SDK1: variants seen among roughly 807,000 people sequenced by gnomAD.
SDK1 encodes the protein sidekick cell adhesion molecule 1, also known as protein sidekick-1.
In SDK1, 157 loss-of-function variants were observed where a neutral mutation model predicts 245.5. That is an observed-to-expected ratio of 0.64 (90% CI 0.56 to 0.73). SDK1 has a LOEUF of 0.73. SDK1 is among the 30% of genes least tolerant of loss of function. SDK1 has a pLI of 0.00. For synonymous variants in SDK1, 1,647 were observed against 1,278.5 expected (o/e 1.29, Z -6.15); for missense variants, 3,583 against 3,002.3 (o/e 1.19, Z -4.52).
chr7:3,925,241 G>A (rs1007883019), intron 5 of SDK1, among the ~76,000 whole-genome samples: 1 of 152,044 alleles, frequency 6.6e-6, no homozygotes, highest in Non-Finnish European at 1.5e-5. Flanking sequence ...GAAACACAGA[G>A]CACATCTTCC....
At chr7:3,798,851 G>A (rs73032391) in intron 4 of SDK1, among the ~76,000 whole-genome samples, 18,473 of 152,178 alleles carry the variant, frequency 0.12, 1,306 homozygotes, top group Middle Eastern at 0.3. Context: ...TAAATTTTGC[G>A]TAGATACTTG....
chr7:3,794,280 C>T (rs1462145981), intron 4 of SDK1, among the ~76,000 whole-genome samples: 1 of 152,154 alleles, frequency 6.6e-6, no homozygotes, highest in Non-Finnish European at 1.5e-5. Flanking sequence ...GACACAGACA[C>T]TGACCTGAAC....
chr7:4,070,521 G>A (rs1196611177), intron 20 of SDK1, among the ~76,000 whole-genome samples: 2 of 152,106 alleles, frequency 1.3e-5, no homozygotes, highest in Admixed American at 6.5e-5. Context: ...GGGGCACAGT[G>A]GGAGACTGTG....
At chr7:3,719,256 T>C (rs990739577) in intron 4 of SDK1, among the ~76,000 whole-genome samples, 9 of 151,804 alleles carry the variant, frequency 5.9e-5, no homozygotes, top group Admixed American at 1.3e-4. Flanking sequence ...TTTTTTTTTT[T>C]TTTTTTAAAT....
intron 1 of SDK1, among the ~76,000 whole-genome samples, chr7:3,512,186 G>T (rs558451074): frequency 6.6e-6 from 1 of 152,078 alleles, no homozygotes; most frequent in South Asian, 2.1e-4. Context: ...GCCTTTTGCA[G>T]AATGTCGTAT....
At position 4,237,712 on chromosome 7, in the gene SDK1, A is replaced by C. The variant is rs760968063; in HGVS notation, c.6058A>C (p.Ile2020Leu). Residue 2020 changes from isoleucine to leucine, a missense_variant, in exon 42 of 45, where the codon ATC becomes CTC. Physicochemically the swap from Ile to Leu is conservative, Grantham distance 5. Coordinates refer to ENST00000404826, the MANE Select transcript of SDK1 (RefSeq NM_152744.4). ...CCTGGTGATGGCTCTGTCCAGCCTG[A>C]TCGTCATCCTGCTGGTGGTGTTCGC... ...FLLVMALSSL[I>L]VILLVVFALV... 1.2e-5 allele frequency: 20 copies of C among 1,613,986 alleles called. No individual in the cohort carries two copies. The East Asian group carries it at 4.0e-4, about 32-fold the overall frequency.
At chr7:3,905,784 G>A (rs962956253) in intron 5 of SDK1, among the ~76,000 whole-genome samples, 1 of 151,464 alleles carries the variant, frequency 6.6e-6, no homozygotes, top group African/African-American at 2.4e-5. Context: ...CACTATCCCT[G>A]GCTAATTAAA....
chr7:3,462,553 A>AATG, intron 1 of SDK1, among the ~76,000 whole-genome samples: 1 of 152,152 alleles, frequency 6.6e-6, no homozygotes, highest in Non-Finnish European at 1.5e-5. Flanking sequence ...CTACCTGTTA[A>AATG]CTTGATATTT....
At chr7:4,254,368 ATTCT>A (rs1475591023) in intron 44 of SDK1, among the ~76,000 whole-genome samples, 2 of 152,108 alleles carry the variant, frequency 1.3e-5, no homozygotes, top group African/African-American at 2.4e-5. Context: ...AAGTGAACTG[ATTCT>A]TTCTTCTGCC....
chr7:4,005,723 C>G (rs1265620337), intron 14 of SDK1, among the ~76,000 whole-genome samples: 9 of 152,106 alleles, frequency 5.9e-5, no homozygotes, highest in Admixed American at 3.3e-4. Flanking sequence ...TATGATGATG[C>G]TTTTGGCAAT....
intron 4 of SDK1, among the ~76,000 whole-genome samples, chr7:3,779,459 T>TTA (rs1562437334): frequency 6.9e-6 from 1 of 145,370 alleles, no homozygotes; most frequent in Admixed American, 6.9e-5. Context: ...CTATTTTTTT[T>TTA]AAAAAAAAAA....
In SDK1 at chr7:4,241,928, C is replaced by T. The variant is rs768232142; in HGVS notation, c.6251+15C>T. 1.2e-6 allele frequency: 2 copies of T among 1,610,690 alleles called. No individual in the cohort carries two copies. Among genetic ancestry groups the T allele is most frequent in the East Asian group, 2.2e-5 (1 of 44,872 alleles). On this transcript the variant is annotated intron_variant, in intron 43 of 44. Coordinates refer to ENST00000404826, the MANE Select transcript of SDK1 (RefSeq NM_152744.4). ...AACGGGACCAGGTAGGCAGGCAGTG[C>T]TGTGCTGCGCCCACCTGGGGATCTG...
intron 14 of SDK1, among the ~76,000 whole-genome samples, chr7:4,001,508 G>A (rs917691336): frequency 1.4e-4 from 21 of 152,218 alleles, no homozygotes; most frequent in Non-Finnish European, 2.5e-4. Context: ...GCAGTCTACG[G>A]CCTCAAAGCC....
At chr7:4,250,619 A>G (rs1327883656) in intron 44 of SDK1, among the ~76,000 whole-genome samples, 1 of 152,162 alleles carries the variant, frequency 6.6e-6, no homozygotes, top group Non-Finnish European at 1.5e-5. Context: ...TGCTGGGATT[A>G]CAGGCATGAG....
At chr7:3,538,653 G>T (rs1178611640) in intron 1 of SDK1, among the ~76,000 whole-genome samples, 1 of 152,160 alleles carries the variant, frequency 6.6e-6, no homozygotes, top group African/African-American at 2.4e-5. Context: ...AACTGACCAA[G>T]TCCACATGGT....
chr7:3,330,482 C>T (rs1562418576), intron 1 of SDK1, among the ~76,000 whole-genome samples: 1 of 152,096 alleles, frequency 6.6e-6, no homozygotes, highest in Non-Finnish European at 1.5e-5. Context: ...CAGGGTGAGG[C>T]CTCCATGATG....
intron 27 of SDK1, among the ~76,000 whole-genome samples, chr7:4,130,828 C>G (rs927515325): frequency 1.3e-5 from 2 of 152,140 alleles, no homozygotes; most frequent in Admixed American, 6.5e-5. Context: ...GGATCTCTCC[C>G]GCCACAACAC....
chr7:3,315,355 G>C (rs2128544979), intron 1 of SDK1, among the ~76,000 whole-genome samples: 1 of 152,074 alleles, frequency 6.6e-6, no homozygotes, highest in South Asian at 2.1e-4. Context: ...GGAAATTGAG[G>C]TCCAGAGAAG....
At chr7:3,332,256 T>C (rs1454664240) in intron 1 of SDK1, among the ~76,000 whole-genome samples, 1 of 152,220 alleles carries the variant, frequency 6.6e-6, no homozygotes, top group African/African-American at 2.4e-5. Flanking sequence ...TTCTCGATGA[T>C]TAATGTACAG....
Sources: allele counts gnomAD v4.1 joint callset (sites outside exome capture counted in the v4.1 genomes callset), GRCh38; gene constraint gnomAD v4.1.1; transcripts MANE v1.5; gene names NCBI Gene and HGNC (gene_info 2026-07-23, HGNC 2026-07-21).